Variants in KIF21A observed in about 807,000 individuals in gnomAD.
KIF21A encodes kinesin family member 21A, also known as kinesin-like protein KIF21A.
A neutral mutation model predicts 202.9 loss-of-function variants in KIF21A; 114 were observed. The ratio of observed to expected loss-of-function variants is 0.56; its 90% CI spans 0.48 to 0.66. The LOEUF is 0.66. Among genes scored for constraint, KIF21A ranks in the 30% least tolerant of loss-of-function variants. KIF21A has a pLI of 0.00. For missense variants in KIF21A, 1,677 were observed against 1,994.9 expected (o/e 0.84, Z 3.04); for synonymous variants, 667 against 670.8 (o/e 0.99, Z 0.09).
Position 39,417,978 on chromosome 12 carries a change from C to CTAAGGCTA in KIF21A, c.44+24948_44+24949insTAGCCTTA, listed in dbSNP as rs1375021849. On this transcript the variant is annotated intron_variant, in intron 1 of 37. Coordinates refer to ENST00000361418, the MANE Select transcript of KIF21A (RefSeq NM_001173464.2). Reference sequence around the variant, plus strand: ...ATCCCAGCACTTTGGGAGGCTAAGGCAGGTGGATCTCTTGGGCTCAGGAGT... The same window carrying CTAAGGCTA: ...ATCCCAGCACTTTGGGAGGCTAAGGCTAAGGCTAAGGTGGATCTCTTGGGCTCAGGAGT... Among the ~76,000 whole-genome samples the CTAAGGCTA allele has an allele frequency of 7.2e-5, 11 of 152,094 alleles. No homozygotes were observed. In the East Asian group the frequency reaches 2.1e-3, roughly 29 times the overall value.
intron 7 of KIF21A, among the ~76,000 whole-genome samples, chr12:39,360,294 T>TTGTATTGTATATA (rs1264248387): frequency 1.3e-5 from 2 of 152,132 alleles, no homozygotes; most frequent in African/African-American, 4.8e-5. Context: ...AATATTTTAT[T>TTGTATTGTATATA]ATATTGTATA....
intron 7 of KIF21A, among the ~76,000 whole-genome samples, chr12:39,362,030 CA>C (rs1198561476): frequency 1.3e-5 from 2 of 152,026 alleles, no homozygotes; most frequent in Admixed American, 1.3e-4. Context: ...ATAGAGTTCT[CA>C]GGGGATCTGG....
intron 1 of KIF21A, among the ~76,000 whole-genome samples, chr12:39,441,656 G>A (rs115460280): frequency 0.44 from 4,224 of 9,682 alleles, 505 homozygotes; most frequent in African/African-American, 0.53. Flanking sequence ...ACCTCCCTGG[G>A]TGGTAAAAAA....
intron 1 of KIF21A, among the ~76,000 whole-genome samples, chr12:39,424,704 C>T (rs974499763): frequency 2.6e-5 from 4 of 152,164 alleles, no homozygotes; most frequent in Non-Finnish European, 4.4e-5. Context: ...CCCAAATCTA[C>T]GTTTCACCAT....
intron 1 of KIF21A, among the ~76,000 whole-genome samples, chr12:39,431,354 G>A (rs1421790723): frequency 6.6e-6 from 1 of 152,182 alleles, no homozygotes. Flanking sequence ...TGTCAAGTGG[G>A]TTTGGATTCA....
At chr12:39,342,629 C>A (rs115177233) in intron 12 of KIF21A, among the ~76,000 whole-genome samples, 2,282 of 152,256 alleles carry the variant, frequency 0.015, 47 homozygotes, top group African/African-American at 0.051. Context: ...CTATATCCAT[C>A]AGTATTTTCA....
chr12:39,440,138 G>A (rs1939361172), intron 1 of KIF21A, among the ~76,000 whole-genome samples: 1 of 152,136 alleles, frequency 6.6e-6, no homozygotes, highest in African/African-American at 2.4e-5. Flanking sequence ...GTAAGTTCAG[G>A]TCCTGTCTTA....
At chr12:39,414,725 A>T (rs569290230) in intron 1 of KIF21A, among the ~76,000 whole-genome samples, 1 of 152,316 alleles carries the variant, frequency 6.6e-6, no homozygotes, top group Non-Finnish European at 1.5e-5. Flanking sequence ...GTCAGCAGGT[A>T]TAAGAGACCC....
rs189889293 is a variant in KIF21A, at chr12:39,324,661, C to T, written c.3456+1178G>A. On this transcript the variant is annotated intron_variant, in intron 26 of 37. Coordinates refer to ENST00000361418, the MANE Select transcript of KIF21A (RefSeq NM_001173464.2). ...CTTGAAAAAACAAAGGATCTGGTAG[C>T]CTTAGGCCCATATTCCCACACAGCA... Among the ~76,000 whole-genome samples the T allele has an allele frequency of 7.5e-4, 114 of 152,260 alleles. 1 individual carries two copies. Among genetic ancestry groups the T allele is most frequent in the African/African-American group, 2.7e-3 (113 of 41,564 alleles).
At chr12:39,339,444 C>G (rs1392828098) in intron 16 of KIF21A, among the ~76,000 whole-genome samples, 1 of 152,038 alleles carries the variant, frequency 6.6e-6, no homozygotes, top group Non-Finnish European at 1.5e-5. Context: ...GTAGGCTATA[C>G]CATCGTGGTT....
chr12:39,320,449 G>A (rs1188069912), intron 27 of KIF21A, among the ~76,000 whole-genome samples: 1 of 144,434 alleles, frequency 6.9e-6, no homozygotes, highest in African/African-American at 2.8e-5. Context: ...TCACAAAATA[G>A]TTCTATAGGT....
intron 1 of KIF21A, among the ~76,000 whole-genome samples, chr12:39,416,317 C>T (rs1275081942): frequency 2.0e-5 from 3 of 151,904 alleles, no homozygotes; most frequent in Middle Eastern, 3.2e-3. Flanking sequence ...ACTTGACAGC[C>T]GAGCGTGGTG....
At chr12:39,317,036 A>C (rs1432301576) in intron 29 of KIF21A, among the ~76,000 whole-genome samples, 1 of 152,142 alleles carries the variant, frequency 6.6e-6, no homozygotes, top group Non-Finnish European at 1.5e-5. Context: ...TTTCTCAATT[A>C]ATGACAGAAA....
At chr12:39,337,285 C>A in intron 16 of KIF21A, 82 bp from the exon 17 acceptor site, 1 of 891,528 alleles carries the variant, frequency 1.1e-6, no homozygotes, top group South Asian at 1.3e-5. Context: ...GAAGTAAGTT[C>A]TTAGAATTCT....
At chr12:39,375,701 G>A (rs1008691775) in intron 1 of KIF21A, among the ~76,000 whole-genome samples, 7 of 151,934 alleles carry the variant, frequency 4.6e-5, no homozygotes, top group African/African-American at 1.2e-4. Flanking sequence ...GTCTCCAATC[G>A]GGAGTTTTGT....
intron 1 of KIF21A, among the ~76,000 whole-genome samples, chr12:39,420,944 C>CA (rs200239679): frequency 0.077 from 10,507 of 136,876 alleles, 528 homozygotes; most frequent in South Asian, 0.3. Flanking sequence ...CTTGATTTAA[C>CA]AAAAAAAAAA....
At position 39,307,358 on chromosome 12, in the gene KIF21A, G is replaced by C. The variant is rs1165007343; in HGVS notation, c.4442+207C>G. On this transcript the variant is annotated intron_variant, in intron 34 of 37. Transcript: ENST00000361418. Reference sequence around the variant, plus strand: ...TTCCCCCATATACTTATTTTCCCCAGCAACGGAGATTAAAAAAAAGAGAAA... The same window carrying C: ...TTCCCCCATATACTTATTTTCCCCACCAACGGAGATTAAAAAAAAGAGAAA... 3.3e-5 allele frequency among the ~76,000 whole-genome samples: 5 copies of C among 151,644 alleles called. No homozygotes were observed. In the South Asian group the frequency reaches 6.2e-4, roughly 19 times the overall value.
chr12:39,320,308 A>G (rs1490480143), intron 27 of KIF21A, among the ~76,000 whole-genome samples: 1 of 152,188 alleles, frequency 6.6e-6, no homozygotes, highest in African/African-American at 2.4e-5. Context: ...AATATTTTAG[A>G]TGTGTTTTAA....
chr12:39,294,954 T>C (rs994443171), intron 37 of KIF21A, among the ~76,000 whole-genome samples: 4 of 152,284 alleles, frequency 2.6e-5, no homozygotes, highest in African/African-American at 9.6e-5. Flanking sequence ...TGACACAGTG[T>C]CAGAAGGCTT....
Sources: gnomAD v4.1 joint callset for allele counts (sites outside exome capture counted in the v4.1 genomes callset) on GRCh38, gnomAD v4.1.1 for gene constraint, MANE v1.5 for transcripts, NCBI Gene and HGNC (gene_info 2026-07-23, HGNC 2026-07-21) for gene names.